ZMYM4: variants seen among roughly 807,000 people sequenced by gnomAD.
ZMYM4 encodes the protein zinc finger MYM-type containing 4.
A neutral mutation model predicts 183.2 loss-of-function variants in ZMYM4; 31 were observed. That is an observed-to-expected ratio of 0.17 (90% CI 0.13 to 0.23). The LOEUF (loss-of-function observed/expected upper bound fraction) is 0.23. Ranked by LOEUF, ZMYM4 falls within the 10% of genes least tolerant of loss-of-function variation. ZMYM4 has a pLI of 1.00. For missense variants in ZMYM4, 1,273 were observed against 1,840.3 expected, an observed-to-expected ratio of 0.69 and a Z score of 5.64; for synonymous variants, 592 against 631.2, an observed-to-expected ratio of 0.94 and a Z score of 0.93.
chr1:35,401,090 A>G (rs1644900664), intron 23 of ZMYM4, among the ~76,000 whole-genome samples: 1 of 152,232 alleles, frequency 6.6e-6, no homozygotes, highest in Non-Finnish European at 1.5e-5. Flanking sequence ...TGAACATCTT[A>G]GTATCAATCT....
At position 35,352,283 on chromosome 1, in the gene ZMYM4, A is replaced by G. The variant is rs1248963152; in HGVS notation, c.86-6642A>G. Among the ~76,000 whole-genome samples, 141 of 147,382 alleles carry G rather than the reference A, an allele frequency of 9.6e-4. 1 individual carries two copies. The highest frequency in any genetic ancestry group is 3.5e-3 in the African/African-American group (133 of 37,960). On this transcript the variant is annotated intron_variant, in intron 2 of 29. Transcript: ENST00000314607. The stretch of plus-strand genomic sequence containing the variant: ...CACGCGCGCGCGCACACACACACAC[A>G]CACACACACACACACACACACACAC...
chr1:35,375,386 T>C (rs1162277514), intron 7 of ZMYM4, among the ~76,000 whole-genome samples: 1 of 152,202 alleles, frequency 6.6e-6, no homozygotes, highest in East Asian at 1.9e-4. Flanking sequence ...ACCAAAAATA[T>C]AAGGAAGCTA....
chr1:35,372,539 T>C (rs557819889), intron 7 of ZMYM4, among the ~76,000 whole-genome samples: 26 of 152,120 alleles, frequency 1.7e-4, no homozygotes, highest in Admixed American at 3.3e-4. Context: ...ACAAAAATGG[T>C]AACCAAGGAA....
intron 9 of ZMYM4, among the ~76,000 whole-genome samples, chr1:35,382,181 T>TACACACACACACACAC (rs59402643): frequency 7.5e-6 from 1 of 133,542 alleles, no homozygotes; most frequent in African/African-American, 2.7e-5. Context: ...TATACACACA[T>TACACACACACACACAC]ACACACACAC....
chr1:35,388,966 A>G lies in ZMYM4; in HGVS notation c.2320A>G (p.Met774Val). The change falls in exon 14 of 30, where the codon ATG becomes GTG. Residue 774 changes from methionine (M) to valine (V), a missense_variant. Met to Val is a conservative substitution (Grantham distance 21). Around this residue, in one of 6 missense-constraint regions of ZMYM4, gnomAD observed 319 missense variants for 518.1 expected, o/e 0.62. Coordinates refer to ENST00000314607, the MANE Select transcript of ZMYM4 (RefSeq NM_005095.3). The stretch of plus-strand genomic sequence containing the variant: ...AAAACGCTGGGGAAATCACTGTAAA[A>G]TGTGCAGTTATTGTTTACAGACATC... Reference protein sequence around the residue: ...LAKRWGNHCKMCSYCLQTSPK... With the variant: ...LAKRWGNHCKVCSYCLQTSPK... The G allele has an allele frequency of 6.2e-7, 1 of 1,614,130 alleles. No homozygotes were observed. The highest frequency in any genetic ancestry group is 8.5e-7 in the Non-Finnish European group (1 of 1,180,002).
intron 1 of ZMYM4, among the ~76,000 whole-genome samples, chr1:35,321,957 TAAAA>T (rs550322703): frequency 1.4e-5 from 2 of 144,216 alleles, no homozygotes; most frequent in African/African-American, 5.1e-5. Flanking sequence ...ATATTGCATT[TAAAA>T]AAAAAAAAGC....
intron 23 of ZMYM4, among the ~76,000 whole-genome samples, chr1:35,404,177 ACCT>A (rs1455837325): frequency 6.6e-6 from 1 of 152,088 alleles, no homozygotes. Context: ...TGATCCTTAA[ACCT>A]CAGTCTCCCA....
intron 1 of ZMYM4, among the ~76,000 whole-genome samples, chr1:35,281,138 G>T (rs1242904677): frequency 6.6e-6 from 1 of 151,970 alleles, no homozygotes; most frequent in Non-Finnish European, 1.5e-5. Flanking sequence ...CAAAAAATTA[G>T]CCAGGCGTGG....
chr1:35,388,102 T>C (rs1310953445), intron 13 of ZMYM4, among the ~76,000 whole-genome samples: 2 of 152,240 alleles, frequency 1.3e-5, no homozygotes, highest in Non-Finnish European at 2.9e-5. Flanking sequence ...TGTATTAGCC[T>C]TCTAGAGCAA....
chr1:35,311,285 G>A (rs774045239), intron 1 of ZMYM4, among the ~76,000 whole-genome samples: 4 of 152,026 alleles, frequency 2.6e-5, no homozygotes, highest in Non-Finnish European at 5.9e-5. Flanking sequence ...AGCTAGGCAT[G>A]GTGGCATGCA....
chr1:35,302,222 T>C (rs75364200), intron 1 of ZMYM4, among the ~76,000 whole-genome samples: 1 of 129,338 alleles, frequency 7.7e-6, no homozygotes, highest in South Asian at 2.5e-4. Flanking sequence ...TTTTTTTTTT[T>C]TTTGTGACAG....
intron 2 of ZMYM4, among the ~76,000 whole-genome samples, chr1:35,348,650 C>T (rs1055020854): frequency 1.3e-5 from 2 of 152,112 alleles, no homozygotes; most frequent in South Asian, 2.1e-4. Flanking sequence ...ATAAGAATCA[C>T]GGTCTGTCAC....
chr1:35,341,032 A>G (rs537396806), intron 2 of ZMYM4, among the ~76,000 whole-genome samples: 5 of 152,262 alleles, frequency 3.3e-5, no homozygotes, highest in East Asian at 1.9e-4. Context: ...AGTTCTATGT[A>G]TATTGGGATC....
intron 23 of ZMYM4, among the ~76,000 whole-genome samples, chr1:35,404,486 A>T (rs774994861): frequency 3.9e-5 from 6 of 152,190 alleles, no homozygotes; most frequent in Non-Finnish European, 8.8e-5. Context: ...CCATCACAGA[A>T]ATTTTGGTAA....
At chr1:35,332,436 T>C (rs1358344354) in intron 2 of ZMYM4, among the ~76,000 whole-genome samples, 1 of 150,832 alleles carries the variant, frequency 6.6e-6, no homozygotes, top group Non-Finnish European at 1.5e-5. Flanking sequence ...CCACAATGTC[T>C]TTGGTCTTGA....
intron 26 of ZMYM4, among the ~76,000 whole-genome samples, chr1:35,411,952 A>T (rs1191557814): frequency 6.6e-6 from 1 of 151,962 alleles, no homozygotes; most frequent in South Asian, 2.1e-4. Context: ...GCACAATCTC[A>T]GCTCACTGCA....
At chr1:35,356,781 C>T (rs1643833200) in intron 2 of ZMYM4, among the ~76,000 whole-genome samples, 1 of 151,918 alleles carries the variant, frequency 6.6e-6, no homozygotes, top group South Asian at 2.1e-4. Flanking sequence ...CAGTGGGGAG[C>T]TATTGAAGAA....
chr1:35,415,350 G>A (rs1418160304), intron 27 of ZMYM4, 116 bp from the exon 28 acceptor site: 6 of 1,373,592 alleles, frequency 4.4e-6, no homozygotes, highest in Non-Finnish European at 6.0e-6. Flanking sequence ...AGGAAGAGGG[G>A]AAAGAGGAAT....
In ZMYM4 at chr1:35,347,879, G is replaced by T. The variant is rs539814894; in HGVS notation, c.86-11046G>T. Among the ~76,000 whole-genome samples the T allele has an allele frequency of 6.6e-4, 100 of 152,228 alleles. 1 individual carries two copies. The highest frequency in any genetic ancestry group is 2.8e-3 in the Admixed American group (43 of 15,290). ...TGCTTACAAAAGTAATATGCTCTTT[G>T]AAATACTGACATGTAATAAGATATG... is the stretch of plus-strand genomic sequence containing the variant. On this transcript the variant is annotated intron_variant, in intron 2 of 29. Transcript: ENST00000314607.
Sources: gnomAD v4.1 joint callset for allele counts (sites outside exome capture counted in the v4.1 genomes callset) on GRCh38, gnomAD v4.1.1 for gene constraint, gnomAD v4.1.1 regional missense constraint, MANE v1.5 for transcripts, NCBI Gene and HGNC (gene_info 2026-07-23, HGNC 2026-07-21) for gene names.